PCDHGA2: variants seen among roughly 807,000 people sequenced by gnomAD.
PCDHGA2 encodes the protein protocadherin gamma subfamily A, 2.
In PCDHGA2, 40 loss-of-function variants were observed where a neutral mutation model predicts 59.2. That is an observed-to-expected ratio of 0.68 (90% confidence interval 0.52 to 0.88). The LOEUF (loss-of-function observed/expected upper bound fraction) is 0.88, where lower values mean the gene tolerates loss of function less well. Ranked by LOEUF, PCDHGA2 falls within the 40% of genes least tolerant of loss-of-function variation. The pLI, the probability that PCDHGA2 is intolerant of heterozygous loss-of-function variation, is 0.00. For missense variants in PCDHGA2, 1,226 were observed against 1,204.0 expected (o/e 1.02, Z -0.27); for synonymous variants, 560 against 526.0 (o/e 1.06, Z -0.89).
chr5:141,340,951 C>T lies in PCDHGA2; in HGVS notation c.1980C>T (p.Leu660=), dbSNP rs761327708. Residue 660 remains leucine, a synonymous_variant, in exon 1 of 4, where the codon CTC becomes CTT. Coordinates refer to ENST00000394576, the MANE Select transcript of PCDHGA2 (RefSeq NM_018915.4). ...GQPPLSATVT[L]TVAVADRIPD... ...CCCCTCTCTCCGCCACTGTCACGCT[C>T]ACCGTGGCCGTGGCCGACAGGATCC... The T allele has an allele frequency of 5.6e-6, 9 of 1,613,882 alleles. No homozygotes were observed. The South Asian group carries it at 7.7e-5, about 14-fold the overall frequency.
At chr5:141,356,834 A>ATG in intron 1 of PCDHGA2, 2 of 1,614,166 alleles carry the variant, frequency 1.2e-6, no homozygotes, top group Non-Finnish European at 1.7e-6. Flanking sequence ...CTCAGCAGCA[A>ATG]TGTGTCACTG....
At chr5:141,371,418 G>C (rs761627230) in intron 1 of PCDHGA2, 9 of 1,614,006 alleles carry the variant, frequency 5.6e-6, no homozygotes, top group Middle Eastern at 1.6e-4. Context: ...AGATGAAAAT[G>C]ACAATGCCCC....
At chr5:141,404,532 A>G in intron 1 of PCDHGA2, 1 of 1,613,918 alleles carries the variant, frequency 6.2e-7, no homozygotes, top group Non-Finnish European at 8.5e-7. Context: ...CAGTTTAGAG[A>G]TTTGCAAATG....
At chr5:141,349,476 T>C (rs1013716762) in intron 1 of PCDHGA2, among the ~76,000 whole-genome samples, 3 of 152,206 alleles carry the variant, frequency 2.0e-5, no homozygotes, top group East Asian at 1.9e-4. Context: ...CAACACTAAA[T>C]TGGCCCTTTT....
At chr5:141,407,032 CAT>C (rs2094880022) in intron 1 of PCDHGA2, among the ~76,000 whole-genome samples, 1 of 152,174 alleles carries the variant, frequency 6.6e-6, no homozygotes, top group African/African-American at 2.4e-5. Flanking sequence ...CTATGCTAAA[CAT>C]GTGATCCATA....
At chr5:141,384,990 G>A in intron 1 of PCDHGA2, 1 of 1,614,140 alleles carries the variant, frequency 6.2e-7, no homozygotes, top group Non-Finnish European at 8.5e-7. Context: ...TGGTGGCGGT[G>A]GCCACAGTCT....
In PCDHGA2 at chr5:141,340,689, C is replaced by T; in HGVS notation, c.1718C>T (p.Thr573Ile). Residue 573 changes from threonine to isoleucine, a missense_variant, in exon 1 of 4, where the codon ACT becomes ATT. Physicochemically the swap from Thr to Ile is moderately conservative, Grantham distance 89. Coordinates refer to ENST00000394576, the MANE Select transcript of PCDHGA2 (RefSeq NM_018915.4). ...LYPAFPTDGS[T>I]GVELAPRSAE... ...CCTGCCTTCCCCACAGACGGTTCCA[C>T]TGGCGTGGAGCTGGCGCCCCGCTCC... is the stretch of plus-strand genomic sequence containing the variant. The T allele has an allele frequency of 6.2e-7, 1 of 1,614,236 alleles. No homozygotes were observed.
At chr5:141,398,511 C>A in intron 1 of PCDHGA2, 1 of 1,595,066 alleles carries the variant, frequency 6.3e-7, no homozygotes, top group Non-Finnish European at 8.5e-7. Flanking sequence ...ACATTAATGA[C>A]CACACGCCAA....
chr5:141,396,804 G>A lies in PCDHGA2; in HGVS notation c.2424+55409G>A, dbSNP rs189942396. On this transcript the variant is annotated intron_variant, in intron 1 of 3. Coordinates refer to ENST00000394576, the MANE Select transcript of PCDHGA2 (RefSeq NM_018915.4). ...AAGGACATTTCCTAAGGATTGTGTA[G>A]TGTTCTACTGTATGGTGCATATTCA... Among the ~76,000 whole-genome samples the A allele has an allele frequency of 2.8e-4, 42 of 152,300 alleles. 1 individual carries two copies. The highest frequency in any genetic ancestry group is 9.6e-4 in the African/African-American group (40 of 41,552).
chr5:141,502,518 T>C (rs1388007900), intron 2 of PCDHGA2, among the ~76,000 whole-genome samples: 1 of 152,184 alleles, frequency 6.6e-6, no homozygotes, highest in Non-Finnish European at 1.5e-5. Flanking sequence ...CCACTATCAG[T>C]GATGCCGAGT....
chr5:141,344,364 G>A (rs1392259698), intron 1 of PCDHGA2: 11 of 1,613,712 alleles, frequency 6.8e-6, no homozygotes, highest in Non-Finnish European at 8.5e-6. Flanking sequence ...CATTCTGGTT[G>A]AGGATAAATT....
chr5:141,471,879 G>A (rs1027572395), intron 1 of PCDHGA2, among the ~76,000 whole-genome samples: 7 of 152,218 alleles, frequency 4.6e-5, no homozygotes, highest in African/African-American at 1.7e-4. Context: ...GCCTGAGGCT[G>A]AAGCTAGGAA....
In PCDHGA2 at chr5:141,493,356, C is replaced by G. The variant is rs1303319550; in HGVS notation, c.2425-1451C>G. On this transcript the variant is annotated intron_variant, in intron 1 of 3. Transcript: ENST00000394576. The surrounding 1 kb of genome is among the most constrained non-coding windows in gnomAD (Gnocchi z 4.3). ...ACTCCAGAATGTGTGCTTTTAATTT[C>G]TTGGCACTTGGAACTTTAAAAGCTT... Among the ~76,000 whole-genome samples the G allele has an allele frequency of 6.6e-6, 1 of 152,182 alleles. No individual in the cohort carries two copies. The highest frequency in any genetic ancestry group is 1.5e-5 in the Non-Finnish European group (1 of 68,032).
At chr5:141,408,202 G>C (rs778320550) in intron 1 of PCDHGA2, 8 of 1,549,950 alleles carry the variant, frequency 5.2e-6, no homozygotes, top group South Asian at 3.6e-5. Context: ...CCGAGCGAAC[G>C]ATGGGAGGGA....
At chr5:141,469,569 G>A (rs975304006) in intron 1 of PCDHGA2, among the ~76,000 whole-genome samples, 1 of 152,122 alleles carries the variant, frequency 6.6e-6, no homozygotes, top group Non-Finnish European at 1.5e-5. Flanking sequence ...GTGAGACTCT[G>A]TCTCTAAATA....
In PCDHGA2 at chr5:141,432,002, G is replaced by A. The variant is rs781525225; in HGVS notation, c.2425-62805G>A. On this transcript the variant is annotated intron_variant, in intron 1 of 3. Transcript: ENST00000394576. This position sits in a 1 kb window ranked among gnomAD's most constrained non-coding sequence, Gnocchi z 6.0. ...AGACATAGTCTTGGATAGGGAACAG[G>A]TTCCTAGCTACAACATCACAGTGAC... The A allele has an allele frequency of 1.9e-6, 3 of 1,614,186 alleles. No homozygotes were observed. In the South Asian group the frequency reaches 3.3e-5, roughly 18 times the overall value.
In PCDHGA2 at chr5:141,432,776, G is replaced by C. The variant is rs975435403; in HGVS notation, c.2425-62031G>C. 1.9e-6 allele frequency: 3 copies of C among 1,614,172 alleles called. No homozygotes were observed. In the African/African-American group the frequency reaches 4.0e-5, roughly 22 times the overall value. ...GGCCGACAGCATCCCCCAAGTCCTG[G>C]CGGACCTCGGCAGCCTCGAGTCTCC... On this transcript the variant is annotated intron_variant, in intron 1 of 3. Transcript: ENST00000394576. This position sits in a 1 kb window ranked among gnomAD's most constrained non-coding sequence, Gnocchi z 6.0.
At chr5:141,354,919 AAAT>A (rs1231499127) in intron 1 of PCDHGA2, 4 of 413,464 alleles carry the variant, frequency 9.7e-6, no homozygotes, top group Non-Finnish European at 1.7e-5. Context: ...AGTGTATAAA[AAAT>A]AAACTTTTTT....
chr5:141,432,386 A>C lies in PCDHGA2; in HGVS notation c.2425-62421A>C. 1 of 1,614,204 alleles carries C rather than the reference A, an allele frequency of 6.2e-7. No homozygotes were observed. Among genetic ancestry groups the C allele is most frequent in the Non-Finnish European group, 8.5e-7 (1 of 1,180,032 alleles). ...GCGGGACAACGGGCACCCGCCCCTC[A>C]GCAGCAACGTGTCGTTGAGCCTGTT... On this transcript the variant is annotated intron_variant, in intron 1 of 3. Transcript: ENST00000394576. This position sits in a 1 kb window ranked among gnomAD's most constrained non-coding sequence, Gnocchi z 6.0.
Sources: allele counts gnomAD v4.1 joint callset (sites outside exome capture counted in the v4.1 genomes callset), GRCh38; gene constraint gnomAD v4.1.1; non-coding constraint Gnocchi (gnomAD v3.1); transcripts MANE v1.5; gene names NCBI Gene and HGNC (gene_info 2026-07-23, HGNC 2026-07-21).